RAD51B: variants seen among roughly 807,000 people sequenced by gnomAD.
The protein encoded by RAD51B is DNA repair protein RAD51 homolog 2.
A neutral mutation model predicts 42.2 loss-of-function variants in RAD51B; 38 were observed. The observed-to-expected ratio is 0.90, with a 90% CI of 0.70 to 1.18. RAD51B has a LOEUF of 1.18. RAD51B is among the 50% of genes most tolerant of loss of function. The pLI, the probability that RAD51B is intolerant of heterozygous loss-of-function variation, is 0.00. For synonymous variants in RAD51B, 154 were observed against 145.2 expected (o/e 1.06, Z -0.43); for missense variants, 373 against 400.7 (o/e 0.93, Z 0.59).
At chr14:68,463,220 A>G (rs2085889157) in intron 9 of RAD51B, among the ~76,000 whole-genome samples, 1 of 152,186 alleles carries the variant, frequency 6.6e-6, no homozygotes, top group Non-Finnish European at 1.5e-5. Flanking sequence ...CAGAAGGGTC[A>G]TGGGGCATTA....
At chr14:68,121,226 T>C (rs1684930078) in intron 7 of RAD51B, among the ~76,000 whole-genome samples, 1 of 152,226 alleles carries the variant, frequency 6.6e-6, no homozygotes, top group South Asian at 2.1e-4. Context: ...TTACATATAT[T>C]ATTTCTAATC....
At chr14:68,422,342 C>CACG in intron 9 of RAD51B, 1 of 475,748 alleles carries the variant, frequency 2.1e-6, no homozygotes, top group Non-Finnish European at 4.0e-6. Flanking sequence ...GCAGGTGGAT[C>CACG]ACGAGGTCAG....
At chr14:68,440,110 C>T (rs986168791) in intron 9 of RAD51B, among the ~76,000 whole-genome samples, 1 of 151,980 alleles carries the variant, frequency 6.6e-6, no homozygotes, top group African/African-American at 2.4e-5. Context: ...TAACCCTCTT[C>T]TTTTGGCCTT....
At chr14:68,186,928 G>A (rs867517753) in intron 7 of RAD51B, among the ~76,000 whole-genome samples, 6 of 152,092 alleles carry the variant, frequency 3.9e-5, no homozygotes, top group Non-Finnish European at 5.9e-5. Flanking sequence ...CATGTTCATC[G>A]CAGCACTATT....
chr14:68,322,143 T>C (rs1403059637), intron 8 of RAD51B, among the ~76,000 whole-genome samples: 5 of 152,214 alleles, frequency 3.3e-5, no homozygotes, highest in African/African-American at 4.8e-5. Context: ...TAAATAAATG[T>C]ATAAAATGAA....
chr14:67,959,214 T>C (rs2074608901), intron 7 of RAD51B, among the ~76,000 whole-genome samples: 1 of 152,168 alleles, frequency 6.6e-6, no homozygotes, highest in Non-Finnish European at 1.5e-5. Flanking sequence ...ATTTTTAGAA[T>C]GTTTGTGTTT....
chr14:68,131,143 G>A (rs1408552757), intron 7 of RAD51B, among the ~76,000 whole-genome samples: 2 of 152,098 alleles, frequency 1.3e-5, no homozygotes, highest in Non-Finnish European at 2.9e-5. Context: ...TATTTCTAAA[G>A]TCAGTGACAA....
Position 68,192,192 on chromosome 14 carries a change from T to G in RAD51B, c.757-99692T>G, listed in dbSNP as rs181230906. Among the ~76,000 whole-genome samples, 3 of 152,326 alleles carry G rather than the reference T, an allele frequency of 2.0e-5. No individual in the cohort carries two copies. In the East Asian group the frequency reaches 5.8e-4, roughly 29 times the overall value. On this transcript the variant is annotated intron_variant, in intron 7 of 10. Coordinates refer to ENST00000471583, the MANE Select transcript of RAD51B (RefSeq NM_133510.4). ...TTTGTTGGTTCTAATAACTGTAATGTTATTCACTGGTTGAAATACTATACC... is the reference window on the plus strand; with the variant it reads ...TTTGTTGGTTCTAATAACTGTAATGGTATTCACTGGTTGAAATACTATACC...
chr14:68,530,476 A>AAAAAAAAAAAG, intron 10 of RAD51B, among the ~76,000 whole-genome samples: 1 of 148,930 alleles, frequency 6.7e-6, no homozygotes, highest in Non-Finnish European at 1.5e-5. Context: ...AAAAGAGATA[A>AAAAAAAAAAAG]AGAAAGAAAA....
At position 68,635,185 on chromosome 14, in the gene RAD51B, A is replaced by T. The variant is rs114553290; in HGVS notation, c.1037-15596A>T. On this transcript the variant is annotated intron_variant, in intron 10 of 11. Coordinates refer to the RAD51B transcript ENST00000488612. The stretch of plus-strand genomic sequence containing the variant: ...CAATTTCAAATGAATGGGTGATCCG[A>T]TCCAATAATAGATGAGCCTAACAGT... 3.2e-3 allele frequency among the ~76,000 whole-genome samples: 482 copies of T among 152,248 alleles called. 6 individuals carry two copies. Among genetic ancestry groups the T allele is most frequent in the African/African-American group, 0.011 (453 of 41,520 alleles).
intron 7 of RAD51B, among the ~76,000 whole-genome samples, chr14:68,189,719 T>G (rs1364441411): frequency 6.6e-6 from 1 of 152,182 alleles, no homozygotes; most frequent in Admixed American, 6.5e-5. Flanking sequence ...CAGGCTGGAA[T>G]GTTGTGGCAT....
intron 10 of RAD51B, among the ~76,000 whole-genome samples, chr14:68,522,089 C>T (rs1886622224): frequency 6.6e-6 from 1 of 152,176 alleles, no homozygotes. Flanking sequence ...GCGTCTTGCT[C>T]CCAGTCCACA....
chr14:67,952,577 A>G (rs2074473911), intron 7 of RAD51B, among the ~76,000 whole-genome samples: 1 of 152,130 alleles, frequency 6.6e-6, no homozygotes, highest in Non-Finnish European at 1.5e-5. Flanking sequence ...GAGGAAGGAC[A>G]GATGCTATAG....
At chr14:68,600,176 T>C (rs1441366196), downstream of RAD51B, among the ~76,000 whole-genome samples, 1 of 152,164 alleles carries the variant, frequency 6.6e-6, no homozygotes, top group Non-Finnish European at 1.5e-5. Context: ...CTCAGTGACT[T>C]GGAAGGGATT....
In RAD51B at chr14:68,477,686, G is replaced by C. The variant is rs1042807186; in HGVS notation, c.*22G>C. 3 of 1,609,580 alleles carry C rather than the reference G, an allele frequency of 1.9e-6. No homozygotes were observed. Among genetic ancestry groups the C allele is most frequent in the East Asian group, 2.2e-5 (1 of 44,798 alleles). ...ATAGGGATACTGTGACCTTTGTCTA[G>C]AGTTGATGGGGGTGTGATTTGTGAA... is the stretch of plus-strand genomic sequence containing the variant. On this transcript the variant is annotated 3_prime_UTR_variant, in exon 11 of 11. Transcript: ENST00000471583.
chr14:68,374,904 G>C (rs1668844219), intron 8 of RAD51B, among the ~76,000 whole-genome samples: 1 of 151,506 alleles, frequency 6.6e-6, no homozygotes, highest in Admixed American at 6.6e-5. Flanking sequence ...CATGTCGAAA[G>C]TGAGGTCATG....
intron 7 of RAD51B, among the ~76,000 whole-genome samples, chr14:68,182,280 G>A (rs2079073243): frequency 6.6e-6 from 1 of 152,200 alleles, no homozygotes; most frequent in African/African-American, 2.4e-5. Flanking sequence ...TTTGACTGCT[G>A]TAAGCATTTC....
At chr14:68,092,778 A>G (rs1171850017) in intron 7 of RAD51B, among the ~76,000 whole-genome samples, 2 of 152,060 alleles carry the variant, frequency 1.3e-5, no homozygotes, top group East Asian at 3.8e-4. Context: ...GTCTTGTGCC[A>G]GTTTTCAAAG....
intron 8 of RAD51B, among the ~76,000 whole-genome samples, chr14:68,377,562 C>G (rs977402026): frequency 6.6e-6 from 1 of 152,240 alleles, no homozygotes; most frequent in Non-Finnish European, 1.5e-5. Context: ...GCAATGACGT[C>G]TGCATCAGCC....
Sources: allele counts gnomAD v4.1 joint callset (sites outside exome capture counted in the v4.1 genomes callset), GRCh38; gene constraint gnomAD v4.1.1; transcripts MANE v1.5; gene names NCBI Gene and HGNC (gene_info 2026-07-23, HGNC 2026-07-21).